The following VPS13B variants were observed in gnomAD, a reference collection of about 807,000 sequenced individuals.
VPS13B encodes the protein vacuolar protein sorting 13 homolog B.
Under a neutral mutation model 426.4 loss-of-function variants are expected in VPS13B, and 285 were observed. That is an observed-to-expected ratio of 0.67 (90% confidence interval 0.61 to 0.74). VPS13B has a LOEUF of 0.74. Among genes scored for constraint, VPS13B ranks in the 30% least tolerant of loss-of-function variants. The pLI is 0.00. For missense variants in VPS13B, 4,537 were observed against 4,782.6 expected (o/e 0.95, Z 1.51); for synonymous variants, 1,676 against 1,676.4 (o/e 1.00, Z 0.01).
rs549621738 is a variant in VPS13B at position 99,144,295 on chromosome 8, C to T, written c.1843+1130C>T. 2.6e-5 allele frequency among the ~76,000 whole-genome samples: 4 copies of T among 151,358 alleles called. No homozygotes were observed. The East Asian group carries it at 7.8e-4, about 30-fold the overall frequency. On this transcript the variant is annotated intron_variant, in intron 13 of 61. Coordinates refer to ENST00000357162, the MANE Select transcript of VPS13B (RefSeq NM_152564.5). ...TTGCTTGAGCCCAGGAGTTTGAGAC[C>T]AACTTGGGCAACATGGCAAGACCCA...
At chr8:99,273,235 T>C (rs1172605498) in intron 17 of VPS13B, among the ~76,000 whole-genome samples, 1 of 149,148 alleles carries the variant, frequency 6.7e-6, no homozygotes, top group Non-Finnish European at 1.5e-5. Context: ...CTCTGCTCAC[T>C]GCAACCTCTG....
chr8:99,381,737 A>G (rs182878584), intron 19 of VPS13B, among the ~76,000 whole-genome samples: 8 of 148,302 alleles, frequency 5.4e-5, no homozygotes, highest in Non-Finnish European at 6.0e-5. Flanking sequence ...TCCTTTGCCC[A>G]CTTTTCAATG....
Position 99,431,673 on chromosome 8 carries a change from A to G in VPS13B, c.3210+9A>G. ...AGCATCTCACACTACAGGTAAAATA[A>G]AAGTTAGAAATATTATGGATATAAT... On this transcript the variant is annotated intron_variant, in intron 22 of 61. Coordinates refer to ENST00000357162, the MANE Select transcript of VPS13B (RefSeq NM_152564.5). The G allele has an allele frequency of 6.2e-7, 1 of 1,611,598 alleles. No individual in the cohort carries two copies. The highest frequency in any genetic ancestry group is 1.7e-5 in the Admixed American group (1 of 59,936).
At chr8:99,122,096 C>T (rs753934727) in intron 8 of VPS13B, among the ~76,000 whole-genome samples, 7 of 150,990 alleles carry the variant, frequency 4.6e-5, no homozygotes, top group African/African-American at 1.5e-4. Context: ...TAGGCTCAAG[C>T]GTTTTTCCCC....
At chr8:99,774,683 T>C (rs537602687) in intron 40 of VPS13B, among the ~76,000 whole-genome samples, 23 of 152,278 alleles carry the variant, frequency 1.5e-4, no homozygotes, top group Non-Finnish European at 3.1e-4. Context: ...CTTACATGAG[T>C]AGTATAAGGG....
intron 36 of VPS13B, among the ~76,000 whole-genome samples, chr8:99,701,562 TC>T (rs1449417429): frequency 6.6e-6 from 1 of 152,166 alleles, no homozygotes; most frequent in East Asian, 1.9e-4. Flanking sequence ...ACTTGTTTTT[TC>T]CCCCTGTATG....
At chr8:99,409,586 T>C (rs1426019106) in intron 21 of VPS13B, among the ~76,000 whole-genome samples, 1 of 152,126 alleles carries the variant, frequency 6.6e-6, no homozygotes, top group East Asian at 1.9e-4. Flanking sequence ...CAAAAAATAA[T>C]CAAATTTTTA....
intron 24 of VPS13B, among the ~76,000 whole-genome samples, chr8:99,480,762 A>G (rs1034011769): frequency 6.6e-6 from 1 of 152,174 alleles, no homozygotes; most frequent in South Asian, 2.1e-4. Context: ...CCACATAAGA[A>G]GCCAGCTTCA....
chr8:99,732,415 C>T (rs778519093), intron 39 of VPS13B, among the ~76,000 whole-genome samples: 7 of 152,170 alleles, frequency 4.6e-5, no homozygotes, highest in Admixed American at 2.0e-4. Context: ...CATGCCTCCC[C>T]GCTTTATGGA....
At chr8:99,454,586 G>T (rs149862248) in intron 23 of VPS13B, among the ~76,000 whole-genome samples, 1 of 152,134 alleles carries the variant, frequency 6.6e-6, no homozygotes, top group South Asian at 2.1e-4. Flanking sequence ...AAATAAAGCC[G>T]CTATATACCT....
intron 31 of VPS13B, among the ~76,000 whole-genome samples, chr8:99,561,556 T>G (rs1374268800): frequency 6.6e-6 from 1 of 152,198 alleles, no homozygotes; most frequent in Non-Finnish European, 1.5e-5. Context: ...GTTTTCACTT[T>G]CAGTACAGTA....
In VPS13B at chr8:99,717,155, T is replaced by A. The variant is rs1563879380; in HGVS notation, c.6455-16T>A. The A allele has an allele frequency of 6.3e-7, 1 of 1,598,790 alleles. No homozygotes were observed. The highest frequency in any genetic ancestry group is 8.6e-7 in the Non-Finnish European group (1 of 1,166,546). On this transcript the variant is annotated splice_polypyrimidine_tract_variant and intron_variant, in intron 36 of 61. Transcript: ENST00000357162. ...GATAAGGATGAATTATATACTCTTC[T>A]GTATTTTTTTTTCAGGCATAATTCT...
rs1476277607 is a variant in VPS13B, at chr8:99,821,433, C to T, written c.9134C>T (p.Ala3045Val). ...GAAGTTGTGACACTGGATGAAGAAG[C>T]GTTTGTTGATACTGAAATAAGACTT... Reference protein sequence around the residue: ...NGEVVTLDEEAFVDTEIRLGA... With the variant: ...NGEVVTLDEEVFVDTEIRLGA... The change falls in exon 50 of 62, where the codon GCG (alanine) becomes GTG (valine). Residue 3045 changes from alanine (A) to valine (V), a missense_variant. This residue lies in a region of VPS13B where 4,311 missense variants were observed against 4,474.3 expected (regional missense o/e 0.96). Coordinates refer to ENST00000357162, the MANE Select transcript of VPS13B (RefSeq NM_152564.5). The T allele has an allele frequency of 3.1e-6, 5 of 1,613,608 alleles. No homozygotes were observed. Among genetic ancestry groups the T allele is most frequent in the East Asian group, 2.2e-5 (1 of 44,860 alleles).
At chr8:99,438,081 T>TTCAGTCCA (rs1282824211) in intron 22 of VPS13B, among the ~76,000 whole-genome samples, 1 of 147,358 alleles carries the variant, frequency 6.8e-6, no homozygotes, top group Admixed American at 7.3e-5. Context: ...CTGAGTGGAC[T>TTCAGTCCA]GAAGTCTTCT....
intron 39 of VPS13B, among the ~76,000 whole-genome samples, chr8:99,740,278 G>T (rs1809635064): frequency 6.6e-6 from 1 of 152,120 alleles, no homozygotes; most frequent in South Asian, 2.1e-4. Context: ...AGAGAAAAAA[G>T]AATAAAAAGA....
intron 34 of VPS13B, among the ~76,000 whole-genome samples, chr8:99,654,403 C>T (rs968643724): frequency 9.2e-5 from 14 of 152,128 alleles, no homozygotes; most frequent in Non-Finnish European, 1.8e-4. Context: ...ATTTAACTTG[C>T]AGGCTTTATA....
At chr8:99,572,549 C>T (rs1338456825) in intron 31 of VPS13B, among the ~76,000 whole-genome samples, 5 of 151,716 alleles carry the variant, frequency 3.3e-5, no homozygotes, top group East Asian at 3.9e-4. Flanking sequence ...TGAGAACATT[C>T]GGTGTTTGGT....
At chr8:99,492,633 T>C (rs1820676611) in intron 25 of VPS13B, among the ~76,000 whole-genome samples, 1 of 152,184 alleles carries the variant, frequency 6.6e-6, no homozygotes, top group African/African-American at 2.4e-5. Flanking sequence ...ACTGCTGCGC[T>C]AGCAGTGAGC....
intron 30 of VPS13B, among the ~76,000 whole-genome samples, chr8:99,529,301 G>A (rs10955215): frequency 0.26 from 39,594 of 151,822 alleles, 5,873 homozygotes; most frequent in East Asian, 0.45. Flanking sequence ...ATTGTACTCT[G>A]CATAGTATTC....
Sources: allele counts gnomAD v4.1 joint callset (sites outside exome capture counted in the v4.1 genomes callset), GRCh38; gene constraint gnomAD v4.1.1; regional missense constraint gnomAD v4.1.1; transcripts MANE v1.5; gene names NCBI Gene and HGNC (gene_info 2026-07-23, HGNC 2026-07-21).